DAPK2: variants seen among roughly 807,000 people sequenced by gnomAD.
DAPK2 encodes the protein death associated protein kinase 2, also known as death-associated protein kinase 2.
DAPK2 carries 35 observed loss-of-function variants against 44.1 expected under a neutral mutation model. That is an observed-to-expected ratio of 0.79 (90% CI 0.61 to 1.05). DAPK2 has a LOEUF of 1.05. DAPK2 is among the 50% of genes least tolerant of loss of function. The pLI is 0.00. For synonymous variants in DAPK2, 174 were observed against 182.6 expected (o/e 0.95, Z 0.38); for missense variants, 453 against 483.2 (o/e 0.94, Z 0.59).
chr15:63,961,097 C>T (rs867578736), intron 3 of DAPK2, among the ~76,000 whole-genome samples: 29 of 152,106 alleles, frequency 1.9e-4, no homozygotes, highest in African/African-American at 4.8e-4. Context: ...TTTACCATTA[C>T]GTAATGGCCT....
At chr15:63,983,855 C>T in intron 1 of DAPK2, 101 bp from the exon 3 acceptor site, 3 of 1,184,954 alleles carry the variant, frequency 2.5e-6, no homozygotes, top group Non-Finnish European at 3.6e-6. Context: ...AGTGATTCTG[C>T]CAGGACAGGA....
intron 1 of DAPK2, among the ~76,000 whole-genome samples, chr15:63,997,551 G>A (rs58017085): frequency 0.038 from 5,849 of 152,152 alleles, 338 homozygotes; most frequent in African/African-American, 0.13. Flanking sequence ...GTCTGGTCTC[G>A]AACTCCTGAC....
chr15:63,908,748 T>C lies in DAPK2; in HGVS notation c.1033-148A>G. The C allele has an allele frequency of 1.8e-6, 1 of 540,756 alleles. No homozygotes were observed. The allele number at this position is 540,756 out of a possible 1,614,324, so 33.5% of individuals were successfully genotyped here. A position where few individuals can be genotyped will look rare whatever the true frequency, so the allele number is the denominator to read the frequency against. On this transcript the variant is annotated intron_variant, in intron 10 of 10. Transcript: ENST00000261891. This position sits in a 1 kb window ranked among gnomAD's most constrained non-coding sequence, Gnocchi z 5.7. ...TGGTGAAAGCAAGCCTGCTGATCCA[T>C]CCAGGGGCTGGGGGATGGGAGGGAT...
At chr15:63,915,485 G>A (rs542420451) in intron 8 of DAPK2, among the ~76,000 whole-genome samples, 2 of 152,218 alleles carry the variant, frequency 1.3e-5, no homozygotes, top group Non-Finnish European at 2.9e-5. Context: ...GACTCTGGGG[G>A]AGAAGAGATT....
intron 4 of DAPK2, among the ~76,000 whole-genome samples, chr15:63,932,933 C>T (rs545185709): frequency 3.3e-5 from 5 of 152,210 alleles, no homozygotes; most frequent in Admixed American, 6.5e-5. Flanking sequence ...GGTAATCCAT[C>T]GTGTGAATGT....
At chr15:63,940,147 A>G (rs2140454279) in intron 3 of DAPK2, among the ~76,000 whole-genome samples, 1 of 152,040 alleles carries the variant, frequency 6.6e-6, no homozygotes, top group East Asian at 1.9e-4. Flanking sequence ...CTCCCACCCA[A>G]CCACTCAGAC....
rs551034612 is a variant in DAPK2, at chr15:64,013,529, A to G, written c.92+26641T>C. The stretch of plus-strand genomic sequence containing the variant: ...AAATACCTTAAGAAAACATGAGGAG[A>G]AGGGGCAAGAACTTTAAAAGTAGAA... On this transcript the variant is annotated intron_variant, in intron 1 of 10. Transcript: ENST00000261891. This position sits in a 1 kb window ranked among gnomAD's most constrained non-coding sequence, Gnocchi z 4.7. Among the ~76,000 whole-genome samples, 1 of 152,292 alleles carries G rather than the reference A, an allele frequency of 6.6e-6. No homozygotes were observed. Among genetic ancestry groups the G allele is most frequent in the East Asian group, 1.9e-4 (1 of 5,188 alleles).
At chr15:64,023,253 C>A (rs2079743898) in intron 1 of DAPK2, among the ~76,000 whole-genome samples, 1 of 152,132 alleles carries the variant, frequency 6.6e-6, no homozygotes, top group South Asian at 2.1e-4. Context: ...GGGCAGGCTT[C>A]TGGGAGGAAG....
At chr15:64,022,065 A>C (rs1294219433) in intron 1 of DAPK2, among the ~76,000 whole-genome samples, 1 of 152,188 alleles carries the variant, frequency 6.6e-6, no homozygotes, top group Non-Finnish European at 1.5e-5. Context: ...TTACCTTGCA[A>C]AGAGGAAAGC....
chr15:63,984,681 C>T (rs2078623070), intron 1 of DAPK2, among the ~76,000 whole-genome samples: 1 of 152,176 alleles, frequency 6.6e-6, no homozygotes, highest in African/African-American at 2.4e-5. Flanking sequence ...GTTTTCTTGC[C>T]ACCCAAAATA....
chr15:64,027,229 A>C (rs1429183256), intron 1 of DAPK2, among the ~76,000 whole-genome samples: 3 of 152,064 alleles, frequency 2.0e-5, no homozygotes, highest in African/African-American at 7.2e-5. Flanking sequence ...TAAAAATACA[A>C]AAAAACTAAC....
rs73450752 is a variant in DAPK2 at position 63,911,506 on chromosome 15, A to G, written c.1032+402T>C. The G allele has an allele frequency of 7.8e-3, 1,788 of 227,792 alleles. 28 individuals are homozygous for G. The highest frequency in any genetic ancestry group is 0.038 in the African/African-American group (1,690 of 44,092). The allele number at this position is 227,792 out of a possible 1,614,324, so 14.1% of individuals were successfully genotyped here. A position where few individuals can be genotyped will look rare whatever the true frequency, so the allele number is the denominator to read the frequency against. ...TATAAGATATTGTCTAAATATTATG[A>G]TGATGGTAATCTGAAACAAAGCAGA... On this transcript the variant is annotated intron_variant, in intron 10 of 10. Transcript: ENST00000261891.
At chr15:63,997,999 A>T (rs2078993454) in intron 1 of DAPK2, among the ~76,000 whole-genome samples, 1 of 152,246 alleles carries the variant, frequency 6.6e-6, no homozygotes, top group African/African-American at 2.4e-5. Flanking sequence ...ATAGGATTTT[A>T]TCCTTGGTGC....
chr15:63,955,574 G>C (rs1004403885), intron 3 of DAPK2, among the ~76,000 whole-genome samples: 3 of 152,022 alleles, frequency 2.0e-5, no homozygotes, highest in Non-Finnish European at 2.9e-5. Context: ...TGTTGTTGTT[G>C]TCGTCATTGT....
chr15:63,971,067 T>G (rs1372917532), intron 3 of DAPK2, among the ~76,000 whole-genome samples: 9 of 152,148 alleles, frequency 5.9e-5, no homozygotes, highest in Non-Finnish European at 8.8e-5. Flanking sequence ...ACATTTCTAG[T>G]TTTTTGTTAC....
intron 3 of DAPK2, among the ~76,000 whole-genome samples, chr15:63,962,937 G>A (rs528949808): frequency 6.6e-5 from 10 of 152,320 alleles, no homozygotes; most frequent in South Asian, 4.2e-4. Context: ...CAGCTATGCC[G>A]TGCCCCCAGA....
At chr15:63,958,897 A>T in intron 3 of DAPK2, among the ~76,000 whole-genome samples, 1 of 152,326 alleles carries the variant, frequency 6.6e-6, no homozygotes, top group Non-Finnish European at 1.5e-5. Context: ...GAAGAAAGTC[A>T]TTGGTAGCTT....
At chr15:63,981,246 T>G (rs928958944) in intron 2 of DAPK2, among the ~76,000 whole-genome samples, 6 of 152,166 alleles carry the variant, frequency 3.9e-5, no homozygotes, top group Non-Finnish European at 8.8e-5. Context: ...CCCCTCACCG[T>G]GTGATGCACT....
chr15:63,958,822 G>C (rs1595799737), intron 3 of DAPK2, among the ~76,000 whole-genome samples: 1 of 152,186 alleles, frequency 6.6e-6, no homozygotes, highest in East Asian at 1.9e-4. Flanking sequence ...GCTTAGGATT[G>C]TCTTGACAAT....
Sources: gnomAD v4.1 joint callset for allele counts (sites outside exome capture counted in the v4.1 genomes callset) on GRCh38, gnomAD v4.1.1 for gene constraint, Gnocchi (gnomAD v3.1) non-coding constraint, MANE v1.5 for transcripts, NCBI Gene and HGNC (gene_info 2026-07-23, HGNC 2026-07-21) for gene names.